The following MYO16 variants were observed in gnomAD, a reference collection of about 807,000 sequenced individuals.
The protein encoded by MYO16 is myosin XVI.
In MYO16, 94 loss-of-function variants were observed where a neutral mutation model predicts 205.3. The observed-to-expected ratio is 0.46, with a 90% CI of 0.39 to 0.54. The LOEUF (loss-of-function observed/expected upper bound fraction) is 0.54. Ranked by LOEUF, MYO16 falls within the 20% of genes least tolerant of loss-of-function variation. MYO16 has a pLI of 0.00. For missense variants in MYO16, 2,315 were observed against 2,387.5 expected (o/e 0.97, Z 0.63); for synonymous variants, 988 against 954.0 (o/e 1.04, Z -0.66).
At chr13:108,765,676 C>A (rs1427617224) in intron 4 of MYO16, among the ~76,000 whole-genome samples, 2 of 152,212 alleles carry the variant, frequency 1.3e-5, no homozygotes, top group Non-Finnish European at 2.9e-5. Context: ...CCCATCCTCC[C>A]CTTTTCACCA....
chr13:108,809,437 A>G (rs1233500743), intron 7 of MYO16, among the ~76,000 whole-genome samples: 2 of 152,196 alleles, frequency 1.3e-5, no homozygotes, highest in African/African-American at 2.4e-5. Flanking sequence ...CTGTACAAGC[A>G]TGGCTCTGGC....
At chr13:108,953,133 A>G (rs1883219169) in intron 16 of MYO16, among the ~76,000 whole-genome samples, 1 of 152,248 alleles carries the variant, frequency 6.6e-6, no homozygotes, top group Non-Finnish European at 1.5e-5. Context: ...GTAACATTGC[A>G]TCAATGATTG....
the MYO16 span, among the ~76,000 whole-genome samples, chr13:108,578,200 T>C: frequency 6.6e-6 from 1 of 152,214 alleles, no homozygotes; most frequent in African/African-American, 2.4e-5. Flanking sequence ...TTGCCAGGAT[T>C]TGTGCATTTG....
intron 16 of MYO16, among the ~76,000 whole-genome samples, chr13:108,928,402 T>C (rs1391675455): frequency 5.4e-4 from 82 of 152,214 alleles, no homozygotes; most frequent in Non-Finnish European, 1.5e-4. Context: ...TATAGAATAT[T>C]ATATGTTATG....
intron 7 of MYO16, among the ~76,000 whole-genome samples, chr13:108,811,539 C>A (rs577528602): frequency 0.012 from 641 of 53,996 alleles, 9 homozygotes; most frequent in African/African-American, 0.019. Context: ...TCTAACACCA[C>A]CTGTTTAAAA....
intron 21 of MYO16, among the ~76,000 whole-genome samples, chr13:108,993,804 C>T (rs1278703770): frequency 2.0e-5 from 3 of 152,122 alleles, no homozygotes; most frequent in Non-Finnish European, 2.9e-5. Flanking sequence ...TAAGAAGGTG[C>T]ATCTCTCAGC....
chr13:108,907,959 ATG>A (rs920663429), intron 15 of MYO16, among the ~76,000 whole-genome samples: 1 of 152,220 alleles, frequency 6.6e-6, no homozygotes, highest in Non-Finnish European at 1.5e-5. Context: ...TTCATTTAAA[ATG>A]TCTTTAGGTT....
intron 2 of MYO16, among the ~76,000 whole-genome samples, chr13:108,685,361 T>C (rs4399424): frequency 0.31 from 47,657 of 151,928 alleles, 7,570 homozygotes; most frequent in Middle Eastern, 0.4. Flanking sequence ...AAGTACTGGC[T>C]ACAACCTGGG....
chr13:108,886,230 G>A (rs1174874045), intron 13 of MYO16, among the ~76,000 whole-genome samples: 4 of 152,098 alleles, frequency 2.6e-5, no homozygotes, highest in East Asian at 3.9e-4. Flanking sequence ...CTTGTGATCC[G>A]CCCACCACAG....
At chr13:108,674,981 AG>A (rs371578985) in intron 2 of MYO16, among the ~76,000 whole-genome samples, 10 of 152,166 alleles carry the variant, frequency 6.6e-5, no homozygotes, top group African/African-American at 2.4e-4. Flanking sequence ...TAGCAGAGAG[AG>A]GGAAGTGGCA....
At chr13:108,660,844 TG>T in intron 1 of MYO16, among the ~76,000 whole-genome samples, 1 of 152,330 alleles carries the variant, frequency 6.6e-6, no homozygotes, top group South Asian at 2.1e-4. Flanking sequence ...ACTTTGGTTT[TG>T]TTTTTTGTTT....
At chr13:109,153,953 T>A (rs1482794168) in intron 32 of MYO16, among the ~76,000 whole-genome samples, 2 of 152,120 alleles carry the variant, frequency 1.3e-5, no homozygotes, top group Non-Finnish European at 2.9e-5. Flanking sequence ...CCTTCCTGAG[T>A]GACTGGCACC....
At chr13:108,590,597 G>C in the MYO16 span, among the ~76,000 whole-genome samples, 2 of 152,158 alleles carry the variant, frequency 1.3e-5, no homozygotes, top group Non-Finnish European at 2.9e-5. Context: ...AGTAGGGTGG[G>C]CCCTGAGCCA....
Position 108,727,525 on chromosome 13 carries a change from C to T in MYO16, c.449C>T (p.Thr150Met), listed in dbSNP as rs201650171. 8 of 1,614,028 alleles carry T rather than the reference C, an allele frequency of 5.0e-6. No individual in the cohort carries two copies. Among genetic ancestry groups the T allele is most frequent in the East Asian group, 2.2e-5 (1 of 44,868 alleles). ...NVNHQDEDFW[T>M]PMHIACACDN... ...AACCACCAGGATGAAGACTTCTGGA[C>T]GCCCATGCACATTGCCTGTGCCTGC... Residue 150 changes from threonine to methionine, a missense_variant, in exon 4 of 35, where the codon ACG becomes ATG. Thr to Met is a moderately conservative substitution (Grantham distance 81). Transcript: ENST00000457511.
chr13:108,750,567 G>A (rs1193141292), intron 4 of MYO16, among the ~76,000 whole-genome samples: 1 of 149,130 alleles, frequency 6.7e-6, no homozygotes, highest in African/African-American at 2.5e-5. Context: ...TCAGGAGTTC[G>A]AGACTGGCCT....
rs866000824 is a variant in MYO16 at position 109,019,769 on chromosome 13, A to G, written c.2654A>G (p.Glu885Gly). 1 of 1,614,136 alleles carries G rather than the reference A, an allele frequency of 6.2e-7. No homozygotes were observed. Among genetic ancestry groups the G allele is most frequent in the African/African-American group, 1.3e-5 (1 of 75,050 alleles). Reference protein sequence around the residue: ...DEESQMIWSVESNFPKKLQSL... With the variant: ...DEESQMIWSVGSNFPKKLQSL... ...GAAAGTCAAATGATTTGGTCAGTGG[A>G]ATCAAATTTTCCAAAAAAACTACAA... is the stretch of plus-strand genomic sequence containing the variant. The change falls in exon 23 of 35, where the codon GAA becomes GGA. Residue 885 changes from glutamate to glycine, a missense_variant. Physicochemically the swap from Glu to Gly is moderately conservative, Grantham distance 98. Coordinates refer to ENST00000457511, the MANE Select transcript of MYO16 (RefSeq NM_001198950.3).
chr13:108,920,147 G>T (rs1300145509), intron 16 of MYO16, among the ~76,000 whole-genome samples: 1 of 152,150 alleles, frequency 6.6e-6, no homozygotes, highest in Non-Finnish European at 1.5e-5. Flanking sequence ...ACCAAGTTAA[G>T]GACTTACCTT....
At chr13:109,206,559 T>C (rs1452872777) in intron 34 of MYO16, 50 bp from the exon 35 acceptor site, 2 of 1,375,306 alleles carry the variant, frequency 1.5e-6, no homozygotes, top group South Asian at 2.5e-5. Context: ...TTCATACTCA[T>C]TCACAATATT....
Position 109,127,218 on chromosome 13 carries a change from T to C in MYO16, c.3783-64T>C. ...TATGTCTGCTTGAGCAGGTTCCTTG[T>C]TACCGGAATAATGCATCTGGGCCTC... On this transcript the variant is annotated intron_variant, in intron 30 of 34. Transcript: ENST00000457511. The surrounding 1 kb of genome is among the most constrained non-coding windows in gnomAD (Gnocchi z 4.2). The C allele has an allele frequency of 6.7e-7, 1 of 1,499,322 alleles. No individual in the cohort carries two copies. The allele number at this position is 1,499,322 out of a possible 1,614,324, so 92.9% of individuals were successfully genotyped here.
Sources: allele counts gnomAD v4.1 joint callset (sites outside exome capture counted in the v4.1 genomes callset), GRCh38; gene constraint gnomAD v4.1.1; non-coding constraint Gnocchi (gnomAD v3.1); transcripts MANE v1.5; gene names NCBI Gene and HGNC (gene_info 2026-07-23, HGNC 2026-07-21).